PDE1C: variants seen among roughly 807,000 people sequenced by gnomAD.
The protein encoded by PDE1C is phosphodiesterase 1C, also known as dual specificity calcium/calmodulin-dependent 3',5'-cyclic nucleotide phosphodiesterase 1C.
PDE1C carries 62 observed loss-of-function variants against 93.1 expected under a neutral mutation model. That is an observed-to-expected ratio of 0.67 (90% CI 0.54 to 0.82). The LOEUF (loss-of-function observed/expected upper bound fraction) is 0.82. Ranked by LOEUF, PDE1C falls within the 40% of genes least tolerant of loss-of-function variation. The pLI is 0.00. For missense variants in PDE1C, 742 were observed against 884.6 expected, an observed-to-expected ratio of 0.84 and a Z score of 2.04; for synonymous variants, 325 against 310.1, an observed-to-expected ratio of 1.05 and a Z score of -0.50.
At chr7:32,241,365 A>T (rs1343460583) in intron 1 of PDE1C, among the ~76,000 whole-genome samples, 1 of 152,112 alleles carries the variant, frequency 6.6e-6, no homozygotes, top group Non-Finnish European at 1.5e-5. Flanking sequence ...TACCCAAGTG[A>T]AGAAGATGTT....
intron 2 of PDE1C, among the ~76,000 whole-genome samples, chr7:32,176,447 T>A (rs778956621): frequency 6.6e-6 from 1 of 152,306 alleles, no homozygotes; most frequent in East Asian, 1.9e-4. Flanking sequence ...GTAAGACAGG[T>A]TGGAGATGAA....
chr7:32,292,176 T>C (rs1453776080), intron 1 of PDE1C, among the ~76,000 whole-genome samples: 1 of 152,036 alleles, frequency 6.6e-6, no homozygotes, highest in Non-Finnish European at 1.5e-5. Context: ...CCTTCCTCCA[T>C]AAAAAAATAA....
At chr7:31,966,065 A>G (rs928120939) in intron 2 of PDE1C, among the ~76,000 whole-genome samples, 1 of 152,190 alleles carries the variant, frequency 6.6e-6, no homozygotes. Context: ...GAGCAAAATG[A>G]CCAGCTAACA....
chr7:31,624,720 T>A, the PDE1C span, among the ~76,000 whole-genome samples: 6 of 151,066 alleles, frequency 4.0e-5, no homozygotes. Context: ...GGGCAAGGAC[T>A]TCATGTCTAA....
chr7:32,139,176 C>T (rs931157374), intron 3 of PDE1C, among the ~76,000 whole-genome samples: 3 of 152,018 alleles, frequency 2.0e-5, no homozygotes, highest in Non-Finnish European at 4.4e-5. Flanking sequence ...TTCTCCATCA[C>T]CCAGGCTGGG....
At chr7:32,368,987 A>G (rs1004714337) in intron 1 of PDE1C, among the ~76,000 whole-genome samples, 1 of 152,176 alleles carries the variant, frequency 6.6e-6, no homozygotes, top group Non-Finnish European at 1.5e-5. Context: ...CCTATACAAA[A>G]ATCAACTCAA....
chr7:32,347,750 G>A (rs1183999653), intron 1 of PDE1C, among the ~76,000 whole-genome samples: 1 of 152,188 alleles, frequency 6.6e-6, no homozygotes, highest in East Asian at 1.9e-4. Context: ...GGAGTCTTCA[G>A]TTATATAGCT....
the PDE1C span, among the ~76,000 whole-genome samples, chr7:31,693,470 T>TA: frequency 1.3e-5 from 2 of 152,350 alleles, no homozygotes; most frequent in South Asian, 4.1e-4. Flanking sequence ...AGGCTGGGTT[T>TA]AATCCTGATA....
At chr7:31,991,155 T>C (rs1784095648) in intron 2 of PDE1C, among the ~76,000 whole-genome samples, 1 of 152,246 alleles carries the variant, frequency 6.6e-6, no homozygotes. Context: ...ACTCAATTTG[T>C]AAGCCACTTA....
At chr7:31,681,339 G>A in the PDE1C span, among the ~76,000 whole-genome samples, 6 of 149,062 alleles carry the variant, frequency 4.0e-5, no homozygotes, top group Non-Finnish European at 5.9e-5. Flanking sequence ...ATTCCTCACA[G>A]TTCAGTTGGA....
upstream of PDE1C, among the ~76,000 whole-genome samples, chr7:32,072,006 TG>T (rs553219074): frequency 3.2e-3 from 488 of 152,332 alleles, 4 homozygotes; most frequent in African/African-American, 0.011. Flanking sequence ...ATCTATTAGA[TG>T]ATTACCTGCT....
chr7:32,286,948 C>G (rs1457695767), intron 1 of PDE1C, among the ~76,000 whole-genome samples: 1 of 152,162 alleles, frequency 6.6e-6, no homozygotes, highest in Non-Finnish European at 1.5e-5. Context: ...CTCCAGCCCC[C>G]AAGGACCACC....
chr7:31,794,298 T>C (rs1785025874), intron 16 of PDE1C, among the ~76,000 whole-genome samples: 2 of 152,010 alleles, frequency 1.3e-5, no homozygotes, highest in Non-Finnish European at 2.9e-5. Flanking sequence ...GTCTTTACCA[T>C]TACTTTCAAT....
intron 2 of PDE1C, among the ~76,000 whole-genome samples, chr7:32,032,111 C>T (rs1236270917): frequency 6.6e-6 from 1 of 152,132 alleles, no homozygotes; most frequent in Non-Finnish European, 1.5e-5. Context: ...AGTAGACATA[C>T]TTCCTCATAA....
chr7:31,678,310 C>T, the PDE1C span, among the ~76,000 whole-genome samples: 130 of 152,194 alleles, frequency 8.5e-4, no homozygotes, highest in Non-Finnish European at 1.6e-3. Flanking sequence ...AGGGGATAAC[C>T]TTTCCAGATA....
intron 11 of PDE1C, among the ~76,000 whole-genome samples, chr7:31,832,729 C>T (rs1583518179): frequency 1.3e-5 from 2 of 152,266 alleles, no homozygotes; most frequent in South Asian, 4.1e-4. Flanking sequence ...CAGTCCCTTC[C>T]CAACAGGCAA....
At chr7:32,157,661 T>C (rs535955227) in intron 3 of PDE1C, among the ~76,000 whole-genome samples, 62 of 152,348 alleles carry the variant, frequency 4.1e-4, no homozygotes, top group Admixed American at 2.4e-3. Flanking sequence ...ATGGCAACTT[T>C]ACTGTAAGGA....
In PDE1C at chr7:32,388,302, T is replaced by C. The variant is rs73093942; in HGVS notation, c.310+39520A>G. On this transcript the variant is annotated intron_variant, in intron 1 of 1. Transcript: ENST00000672256. The stretch of plus-strand genomic sequence containing the variant: ...AGAGGTCAGGAACAAGGAGAAACCA[T>C]AAATCAAGAGAGATGAGCAAGTACT... Among the ~76,000 whole-genome samples, 1,414 of 152,176 alleles carry C rather than the reference T, an allele frequency of 9.3e-3. 12 individuals carry two copies. The highest frequency in any genetic ancestry group is 0.012 in the Non-Finnish European group (785 of 67,992).
At chr7:31,628,091 G>C in the PDE1C span, among the ~76,000 whole-genome samples, 1 of 152,210 alleles carries the variant, frequency 6.6e-6, no homozygotes, top group Admixed American at 6.5e-5. Flanking sequence ...GCCTGTGAAA[G>C]TTGGAGCCTG....
Sources: allele counts gnomAD v4.1 joint callset (sites outside exome capture counted in the v4.1 genomes callset), GRCh38; gene constraint gnomAD v4.1.1; transcripts MANE v1.5; gene names NCBI Gene and HGNC (gene_info 2026-07-23, HGNC 2026-07-21).